CNTN4: variants seen among roughly 807,000 people sequenced by gnomAD.
CNTN4 encodes contactin-4.
A neutral mutation model predicts 122.5 loss-of-function variants in CNTN4; 77 were observed. The observed-to-expected ratio is 0.63, with a 90% CI of 0.52 to 0.76. The LOEUF (loss-of-function observed/expected upper bound fraction) is 0.76, where lower values mean the gene tolerates loss of function less well. Among genes scored for constraint, CNTN4 ranks in the 30% least tolerant of loss-of-function variants. The pLI is 0.00. For synonymous variants in CNTN4, 512 were observed against 447.0 expected, an observed-to-expected ratio of 1.15 and a Z score of -1.83; for missense variants, 1,256 against 1,259.1, an observed-to-expected ratio of 1.00 and a Z score of 0.04.
At chr3:2,542,841 G>A (rs1475770233) in intron 3 of CNTN4, among the ~76,000 whole-genome samples, 1 of 152,062 alleles carries the variant, frequency 6.6e-6, no homozygotes, top group African/African-American at 2.4e-5. Flanking sequence ...ATTCAGTAAG[G>A]GGACTGACTC....
At chr3:2,931,470 C>T (rs1001095097) in intron 13 of CNTN4, among the ~76,000 whole-genome samples, 12 of 152,116 alleles carry the variant, frequency 7.9e-5, no homozygotes, top group African/African-American at 2.9e-4. Context: ...GTGGTGACGT[C>T]ATTCAAACGG....
intron 2 of CNTN4, among the ~76,000 whole-genome samples, chr3:2,218,674 G>A (rs1327016682): frequency 6.6e-6 from 1 of 152,166 alleles, no homozygotes; most frequent in African/African-American, 2.4e-5. Context: ...CACGTATGTA[G>A]TACTAAACCA....
intron 7 of CNTN4, among the ~76,000 whole-genome samples, chr3:2,846,912 G>T (rs187273539): frequency 6.6e-6 from 1 of 152,100 alleles, no homozygotes; most frequent in Admixed American, 6.6e-5. Context: ...CAGGAGAATC[G>T]CTTGAACTCA....
intron 4 of CNTN4, among the ~76,000 whole-genome samples, chr3:2,589,240 T>C (rs1299456083): frequency 6.6e-6 from 1 of 152,176 alleles, no homozygotes. Context: ...GCATTAGTAG[T>C]AGGAGATTTG....
intron 2 of CNTN4, among the ~76,000 whole-genome samples, chr3:2,133,327 T>C (rs2034536931): frequency 6.6e-6 from 1 of 152,210 alleles, no homozygotes; most frequent in South Asian, 2.1e-4. Flanking sequence ...TTAAGATTTC[T>C]TAAGTGTCAT....
intron 2 of CNTN4, among the ~76,000 whole-genome samples, chr3:2,280,629 G>A (rs922546833): frequency 1.3e-4 from 20 of 152,118 alleles, no homozygotes; most frequent in African/African-American, 2.2e-4. Flanking sequence ...GGTCATAACC[G>A]TAGAGAACAC....
At chr3:2,822,800 T>G (rs2092905501) in intron 7 of CNTN4, among the ~76,000 whole-genome samples, 1 of 152,164 alleles carries the variant, frequency 6.6e-6, no homozygotes, top group East Asian at 1.9e-4. Context: ...TCTACTGAAA[T>G]GCAGTTGTCT....
At chr3:2,341,696 G>C (rs902419686) in intron 3 of CNTN4, among the ~76,000 whole-genome samples, 3 of 152,134 alleles carry the variant, frequency 2.0e-5, no homozygotes, top group Admixed American at 2.0e-4. Context: ...CCCCAAAACA[G>C]TTAATTTGAT....
intron 2 of CNTN4, among the ~76,000 whole-genome samples, chr3:2,159,826 C>CTTT (rs200520170): frequency 7.0e-6 from 1 of 143,798 alleles, no homozygotes; most frequent in African/African-American, 2.5e-5. Flanking sequence ...TGACACAGCT[C>CTTT]TTTTTTTTTT....
chr3:2,524,857 A>AG (rs1575848510), intron 3 of CNTN4, among the ~76,000 whole-genome samples: 1 of 152,186 alleles, frequency 6.6e-6, no homozygotes, highest in Non-Finnish European at 1.5e-5. Flanking sequence ...TTAACACAAT[A>AG]GGAAAAAAAA....
intron 4 of CNTN4, among the ~76,000 whole-genome samples, chr3:2,669,291 G>C (rs530114902): frequency 4.6e-5 from 7 of 152,298 alleles, no homozygotes; most frequent in African/African-American, 1.7e-4. Context: ...TCTATTCAGA[G>C]ATTCAACTTC....
chr3:2,305,823 A>G (rs1051523821), intron 2 of CNTN4, among the ~76,000 whole-genome samples: 6 of 152,196 alleles, frequency 3.9e-5, no homozygotes, highest in Non-Finnish European at 5.9e-5. Flanking sequence ...ACAACCACCA[A>G]TGTACAATCT....
At chr3:2,876,858 C>T (rs192388253) in intron 8 of CNTN4, among the ~76,000 whole-genome samples, 280 of 152,114 alleles carry the variant, frequency 1.8e-3, no homozygotes, top group African/African-American at 4.8e-3. Flanking sequence ...AATGACTAGC[C>T]CTTAAGATAT....
intron 4 of CNTN4, among the ~76,000 whole-genome samples, chr3:2,720,571 G>A (rs1403293461): frequency 1.3e-5 from 2 of 152,110 alleles, no homozygotes; most frequent in Non-Finnish European, 2.9e-5. Context: ...TGTGTCCATG[G>A]TGATTTATGT....
chr3:2,206,840 CGA>C (rs2038368484), intron 2 of CNTN4, among the ~76,000 whole-genome samples: 1 of 149,176 alleles, frequency 6.7e-6, no homozygotes, highest in Non-Finnish European at 1.5e-5. Flanking sequence ...ATACCTCATC[CGA>C]TTGCAGTTTG....
At chr3:2,103,038 T>C (rs1040461305) in intron 2 of CNTN4, among the ~76,000 whole-genome samples, 6 of 152,080 alleles carry the variant, frequency 3.9e-5, no homozygotes, top group African/African-American at 1.4e-4. Flanking sequence ...ATTGCCCTAC[T>C]TTGCCCTTCT....
At chr3:2,337,404 T>C (rs2043999942) in intron 2 of CNTN4, among the ~76,000 whole-genome samples, 1 of 152,160 alleles carries the variant, frequency 6.6e-6, no homozygotes, top group African/African-American at 2.4e-5. Flanking sequence ...TATGAGAATC[T>C]CTTGCCAATG....
intron 2 of CNTN4, among the ~76,000 whole-genome samples, chr3:2,203,678 C>T (rs553298509): frequency 5.9e-5 from 9 of 152,192 alleles, no homozygotes; most frequent in Admixed American, 5.9e-4. Flanking sequence ...AGTCAGCTCA[C>T]TACTCCAATT....
At chr3:2,547,583 A>T (rs2078302078) in intron 3 of CNTN4, among the ~76,000 whole-genome samples, 1 of 152,062 alleles carries the variant, frequency 6.6e-6, no homozygotes, top group Admixed American at 6.6e-5. Flanking sequence ...ATTTTTAATG[A>T]ATTTAATGGA....
Sources: allele counts gnomAD v4.1 joint callset (sites outside exome capture counted in the v4.1 genomes callset), GRCh38; gene constraint gnomAD v4.1.1; transcripts MANE v1.5; gene names NCBI Gene and HGNC (gene_info 2026-07-23, HGNC 2026-07-21).